The following SLC17A5 variants were observed in gnomAD, a reference collection of about 807,000 sequenced individuals.
SLC17A5 encodes the protein sialin.
SLC17A5 carries 47 observed loss-of-function variants against 59.4 expected under a neutral mutation model. The observed-to-expected ratio is 0.79, with a 90% CI of 0.63 to 1.01. The LOEUF is 1.01. Among genes scored for constraint, SLC17A5 ranks in the 50% least tolerant of loss-of-function variants. The pLI, the probability that SLC17A5 is intolerant of heterozygous loss-of-function variation, is 0.00. For missense variants in SLC17A5, 522 were observed against 595.5 expected, an observed-to-expected ratio of 0.88 and a Z score of 1.28; for synonymous variants, 202 against 210.7, an observed-to-expected ratio of 0.96 and a Z score of 0.36.
chr6:73,605,258 A>G (rs1374741350), intron 9 of SLC17A5, among the ~76,000 whole-genome samples: 1 of 152,204 alleles, frequency 6.6e-6, no homozygotes, highest in Admixed American at 6.6e-5. Flanking sequence ...ACCTTGTTAA[A>G]AAAAACAAAA....
chr6:73,652,504 C>T (rs1269073837), intron 1 of SLC17A5, among the ~76,000 whole-genome samples: 1 of 152,068 alleles, frequency 6.6e-6, no homozygotes, highest in African/African-American at 2.4e-5. Flanking sequence ...AACATTTGTG[C>T]TAAATTTTGA....
At position 73,615,384 on chromosome 6, in the gene SLC17A5, C is replaced by T. The variant is rs867616025; in HGVS notation, c.1042G>A (p.Ala348Thr). The change falls in exon 8 of 11, where the codon GCT (alanine) becomes ACT (threonine). Residue 348 changes from alanine to threonine, a missense_variant. By Grantham distance (58) the Ala-to-Thr change is moderately conservative. This residue lies in a region of SLC17A5 where 31 missense variants were observed against 63.2 expected (regional missense o/e 0.49). Coordinates refer to ENST00000355773, the MANE Select transcript of SLC17A5 (RefSeq NM_012434.5). Reference sequence around the variant, plus strand: ...CATTTTGCCCTTAAATTGTCAGCAGCTTGACCAGACAGGATCATACATAAC... The same window carrying T: ...CATTTTGCCCTTAAATTGTCAGCAGTTTGACCAGACAGGATCATACATAAC... The part of the protein sequence containing the change: ...SWLCMILSGQ[A>T]ADNLRAKWNF... The T allele has an allele frequency of 1.2e-6, 2 of 1,613,960 alleles. No individual in the cohort carries two copies. The highest frequency in any genetic ancestry group is 8.5e-7 in the Non-Finnish European group (1 of 1,179,990).
Position 73,637,328 on chromosome 6 carries a change from GT to G in SLC17A5, c.614-622del, listed in dbSNP as rs1372446203. On this transcript the variant is annotated intron_variant, in intron 4 of 10. Transcript: ENST00000355773. Reference sequence around the variant, plus strand: ...GAGATATAAGGCTAGCTGCAACAAAGTAGTGAAGACTGTAAAGAATCTTGCC... The same window carrying G: ...GAGATATAAGGCTAGCTGCAACAAAGAGTGAAGACTGTAAAGAATCTTGCC... Among the ~76,000 whole-genome samples the G allele has an allele frequency of 5.4e-4, 82 of 152,284 alleles. 1 individual carries two copies. The highest frequency in any genetic ancestry group is 5.4e-3 in the Admixed American group (82 of 15,292).
intron 10 of SLC17A5, among the ~76,000 whole-genome samples, chr6:73,595,945 TA>T (rs1561982372): frequency 6.1e-5 from 8 of 130,500 alleles, no homozygotes; most frequent in Middle Eastern, 3.6e-3. Flanking sequence ...TATATATATA[TA>T]TACGTATATA....
At chr6:73,615,247 C>G in intron 8 of SLC17A5, 68 bp downstream of exon 8, 5 of 1,556,680 alleles carry the variant, frequency 3.2e-6, no homozygotes, top group Non-Finnish European at 3.5e-6. Context: ...CTTTGTTTTC[C>G]TATCTCCTAT....
At chr6:73,651,548 T>C (rs945668425) in intron 1 of SLC17A5, among the ~76,000 whole-genome samples, 1 of 151,490 alleles carries the variant, frequency 6.6e-6, no homozygotes, top group East Asian at 1.9e-4. Flanking sequence ...TATTTTATTA[T>C]TATTATTTTT....
chr6:73,629,722 C>A (rs563356186), intron 6 of SLC17A5, among the ~76,000 whole-genome samples: 5 of 152,098 alleles, frequency 3.3e-5, no homozygotes, highest in Admixed American at 2.0e-4. Flanking sequence ...TTGCAGTGAG[C>A]CAGGATCGCA....
chr6:73,614,035 G>A (rs1315812341), intron 8 of SLC17A5, among the ~76,000 whole-genome samples: 2 of 152,206 alleles, frequency 1.3e-5, no homozygotes, highest in African/African-American at 2.4e-5. Flanking sequence ...GGAGGCCAAG[G>A]CGGGCAGATG....
At chr6:73,647,950 TC>T (rs1453072999) in intron 1 of SLC17A5, among the ~76,000 whole-genome samples, 1 of 152,032 alleles carries the variant, frequency 6.6e-6, no homozygotes, top group East Asian at 1.9e-4. Context: ...GCACTTGTAA[TC>T]CCAGCTACTC....
chr6:73,603,747 T>C (rs1255128637), intron 9 of SLC17A5, among the ~76,000 whole-genome samples: 1 of 152,158 alleles, frequency 6.6e-6, no homozygotes, highest in Admixed American at 6.6e-5. Context: ...TACTAGGATG[T>C]TTGTCCTGTA....
rs543917508 is a variant in SLC17A5 at position 73,626,268 on chromosome 6, A to T, written c.820-4306T>A. On this transcript the variant is annotated intron_variant, in intron 6 of 10. Transcript: ENST00000355773. ...CCAAGATGAGCTGTATGTCTAACACATAAGCCCTTCACATGGCAGGTTCTC... is the reference window on the plus strand; with the variant it reads ...CCAAGATGAGCTGTATGTCTAACACTTAAGCCCTTCACATGGCAGGTTCTC... Among the ~76,000 whole-genome samples the T allele has an allele frequency of 2.0e-5, 3 of 152,350 alleles. No individual in the cohort carries two copies. The East Asian group carries it at 5.8e-4, about 29-fold the overall frequency.
chr6:73,610,208 A>C (rs1767584589), intron 9 of SLC17A5, among the ~76,000 whole-genome samples, 192 bp downstream of exon 9: 1 of 151,916 alleles, frequency 6.6e-6, no homozygotes, highest in Non-Finnish European at 1.5e-5. Context: ...TAATTTTTGT[A>C]TTTTTAGTAG....
intron 6 of SLC17A5, among the ~76,000 whole-genome samples, chr6:73,623,429 G>A (rs1426914387): frequency 6.6e-6 from 1 of 151,698 alleles, no homozygotes. Context: ...TCTGCCTCCC[G>A]GGTTCAAGCA....
intron 10 of SLC17A5, among the ~76,000 whole-genome samples, chr6:73,596,393 T>C (rs1006996699): frequency 6.6e-6 from 1 of 152,142 alleles, no homozygotes; most frequent in African/African-American, 2.4e-5. Context: ...CAAAGCAGGA[T>C]ATAACATGGG....
intron 6 of SLC17A5, among the ~76,000 whole-genome samples, chr6:73,626,959 TG>T (rs746730745): frequency 1.3e-5 from 2 of 151,840 alleles, no homozygotes; most frequent in Non-Finnish European, 2.9e-5. Flanking sequence ...TTGGTAGAGA[TG>T]GGGGTTTCAC....
At chr6:73,649,383 T>C (rs1769742523) in intron 1 of SLC17A5, among the ~76,000 whole-genome samples, 1 of 152,130 alleles carries the variant, frequency 6.6e-6, no homozygotes, top group Non-Finnish European at 1.5e-5. Context: ...TGGGGAAGGA[T>C]TGCTTGAGCC....
chr6:73,646,864 C>CG (rs1769599077), intron 1 of SLC17A5, among the ~76,000 whole-genome samples: 1 of 151,874 alleles, frequency 6.6e-6, no homozygotes, highest in African/African-American at 2.4e-5. Flanking sequence ...CTTGTAGAGT[C>CG]GGGGTCTCAC....
At chr6:73,600,018 A>T (rs1356035144) in intron 10 of SLC17A5, among the ~76,000 whole-genome samples, 1 of 151,798 alleles carries the variant, frequency 6.6e-6, no homozygotes, top group African/African-American at 2.4e-5. Context: ...CTGGTATTGA[A>T]CTCCTGACCT....
intron 6 of SLC17A5, among the ~76,000 whole-genome samples, chr6:73,633,848 C>A (rs1310491301): frequency 1.3e-5 from 2 of 151,400 alleles, no homozygotes; most frequent in Non-Finnish European, 1.5e-5. Context: ...CCACTACACT[C>A]CAGCCTGGGT....
Sources: gnomAD v4.1 joint callset for allele counts (sites outside exome capture counted in the v4.1 genomes callset) on GRCh38, gnomAD v4.1.1 for gene constraint, gnomAD v4.1.1 regional missense constraint, MANE v1.5 for transcripts, NCBI Gene and HGNC (gene_info 2026-07-23, HGNC 2026-07-21) for gene names.